Variants in TSACC observed in about 807,000 individuals in gnomAD.
TSACC encodes the protein TSSK6 activating cochaperone, also known as TSSK6-activating co-chaperone protein.
TSACC carries 3 observed loss-of-function variants against 6.9 expected under a neutral mutation model. The ratio of observed to expected loss-of-function variants is 0.43; its 90% CI spans 0.20 to 1.12. The LOEUF is 1.12. Among genes scored for constraint, TSACC ranks in the 50% most tolerant of loss-of-function variants. TSACC has a pLI of 0.28. For synonymous variants in TSACC, 54 were observed against 55.1 expected, an observed-to-expected ratio of 0.98 and a Z score of 0.09; for missense variants, 137 against 143.9, an observed-to-expected ratio of 0.95 and a Z score of 0.24.
chr1:156,345,031 C>T (rs558070718), intron 3 of TSACC, among the ~76,000 whole-genome samples: 4 of 152,250 alleles, frequency 2.6e-5, no homozygotes, highest in South Asian at 4.1e-4. Flanking sequence ...TTTTAAAAAA[C>T]GGTGGCTAGA....
Position 156,344,854 on chromosome 1 carries a change from A to C in TSACC, c.163+146A>C, listed in dbSNP as rs936564220. Reference sequence around the variant, plus strand: ...TTCCGTGATAGCTTGTTGATTATTTAGTTTCATTGATATCATTATCATCCC... The same window carrying C: ...TTCCGTGATAGCTTGTTGATTATTTCGTTTCATTGATATCATTATCATCCC... On this transcript the variant is annotated intron_variant, in intron 3 of 3. Coordinates refer to ENST00000368254, the MANE Select transcript of TSACC (RefSeq NM_001304817.2). 2.4e-5 allele frequency: 25 copies of C among 1,027,328 alleles called. No individual in the cohort carries two copies. The Admixed American group carries it at 6.5e-4, about 27-fold the overall frequency. The allele number at this position is 1,027,328 out of a possible 1,614,324, so 63.6% of individuals were successfully genotyped here. A position where few individuals can be genotyped will look rare whatever the true frequency, so the allele number is the denominator to read the frequency against.
chr1:156,341,027 G>A (rs901647007), intron 2 of TSACC, among the ~76,000 whole-genome samples: 9 of 151,906 alleles, frequency 5.9e-5, no homozygotes, highest in African/African-American at 1.7e-4. Flanking sequence ...ACTGGGTTAC[G>A]CCAGGTCTTG....
chr1:156,338,889 G>C (rs1665628000), intron 1 of TSACC: 1 of 152,708 alleles, frequency 6.5e-6, no homozygotes, highest in African/African-American at 2.4e-5. Flanking sequence ...CCCTTCTTAG[G>C]AAATGCTTTC....
intron 2 of TSACC, among the ~76,000 whole-genome samples, chr1:156,341,786 G>A (rs1205160422): frequency 4.6e-5 from 7 of 152,058 alleles, no homozygotes; most frequent in African/African-American, 1.2e-4. Flanking sequence ...ATTCTTGGCC[G>A]GGCGCAGTGG....
upstream of TSACC, chr1:156,338,227 G>T: frequency 1.3e-6 from 2 of 1,565,658 alleles, no homozygotes; most frequent in African/African-American, 1.3e-5. Flanking sequence ...TGGGGGAACC[G>T]GCAGAACCTT....
At chr1:156,340,518 G>GT (rs377131600) in intron 2 of TSACC, among the ~76,000 whole-genome samples, 22 of 142,318 alleles carry the variant, frequency 1.5e-4, no homozygotes, top group African/African-American at 5.5e-4. Context: ...CTGGAGTGCA[G>GT]TGGCACTACC....
In TSACC at chr1:156,344,648, C is replaced by G. The variant is rs538464868; in HGVS notation, c.103C>G (p.Leu35Val). ...AAAACCCTCCCCCAGCTATATTAAT[C>G]TTCAAGCAAGTTCCCCACCAGCCAC... ...RAKPSPSYIN[L>V]QASSPPATFL... The change falls in exon 3 of 4, where the codon CTT becomes GTT. Residue 35 changes from leucine (L) to valine (V), a missense_variant. By Grantham distance (32) the Leu-to-Val change is conservative. Transcript: ENST00000368254. 241 of 1,614,108 alleles carry G rather than the reference C, an allele frequency of 1.5e-4. 1 individual carries two copies. The South Asian group carries it at 2.6e-3, about 17-fold the overall frequency.
Position 156,339,791 on chromosome 1 carries a change from GGT to G in TSACC, c.34+7_34+8del. 2.5e-6 allele frequency: 4 copies of G among 1,614,014 alleles called. No individual in the cohort carries two copies. Among genetic ancestry groups the G allele is most frequent in the Non-Finnish European group, 3.4e-6 (4 of 1,179,976 alleles). ...GCACACTAGTCATCCTAACAGAAAA[GGT>G]GTGTGTTGGAGGCCCTGCTTCCCCT... On this transcript the variant is annotated splice_donor_variant, in intron 2 of 3. Coordinates refer to ENST00000368254, the MANE Select transcript of TSACC (RefSeq NM_001304817.2). LOFTEE classifies it high-confidence loss of function.
intron 2 of TSACC, among the ~76,000 whole-genome samples, chr1:156,343,764 G>T (rs1314631246): frequency 6.6e-6 from 1 of 152,008 alleles, no homozygotes; most frequent in East Asian, 1.9e-4. Context: ...TTTTGAGAAG[G>T]AATCTCACCC....
intron 3 of TSACC, among the ~76,000 whole-genome samples, chr1:156,345,466 G>C (rs1310962607): frequency 2.0e-5 from 3 of 152,092 alleles, no homozygotes; most frequent in Non-Finnish European, 4.4e-5. Context: ...AGGAGGCCGA[G>C]GCAGGAGAAT....
chr1:156,340,053 C>T (rs973354343), intron 2 of TSACC, among the ~76,000 whole-genome samples: 18 of 152,234 alleles, frequency 1.2e-4, no homozygotes, highest in African/African-American at 4.3e-4. Context: ...GGGACAGCCC[C>T]ATTGGTGGGC....
chr1:156,342,058 T>C (rs1665920565), intron 2 of TSACC, among the ~76,000 whole-genome samples: 1 of 130,836 alleles, frequency 7.6e-6, no homozygotes, highest in Admixed American at 8.5e-5. Context: ...CAAGACTCCG[T>C]CTCCAAAAAA....
At chr1:156,344,478 G>T in intron 2 of TSACC, 102 bp from the exon 3 acceptor site, 2 of 1,447,340 alleles carry the variant, frequency 1.4e-6, no homozygotes, top group Non-Finnish European at 1.9e-6. Flanking sequence ...ACATATTCAC[G>T]GCAGGGCCTG....
rs776501527 is a variant in TSACC at position 156,346,813 on chromosome 1, A to G, written c.209A>G (p.Tyr70Cys). The G allele has an allele frequency of 2.5e-6, 4 of 1,614,058 alleles. No individual in the cohort carries two copies. The highest frequency in any genetic ancestry group is 3.4e-6 in the Non-Finnish European group (4 of 1,180,042). ...TGCCTAGGACTCCTGGAATGTATGT[A>G]TGCAAACCTCCAGCTTCAGACCCAG... ...KECLGLLECM[Y>C]ANLQLQTQLA... Residue 70 changes from tyrosine (Y) to cysteine (C), a missense_variant, in exon 4 of 4, where the codon TAT (tyrosine) becomes TGT (cysteine). Coordinates refer to ENST00000368254, the MANE Select transcript of TSACC (RefSeq NM_001304817.2).
chr1:156,338,306 ACT>A, upstream of TSACC: 1 of 925,032 alleles, frequency 1.1e-6, no homozygotes, highest in Non-Finnish European at 1.7e-6. Context: ...TCAACCCGCT[ACT>A]CTCAAGGTAG....
At chr1:156,341,047 C>G (rs556713218) in intron 2 of TSACC, among the ~76,000 whole-genome samples, 18 of 152,172 alleles carry the variant, frequency 1.2e-4, no homozygotes, top group African/African-American at 4.1e-4. Context: ...GAACTCCTGG[C>G]CTCAAGTGAT....
In TSACC at chr1:156,346,919, C is replaced by G. The variant is rs989274440; in HGVS notation, c.315C>G (p.Asn105Lys). ...TGGCTCCTGGGAGGGGAAGCAATAA[C>G]TCTTCTCTCCCAGCCTTATCTCCTA... is the stretch of plus-strand genomic sequence containing the variant. ...TQLAPGRGSN[N>K]SSLPALSPNP... The change falls in exon 4 of 4, where the codon AAC becomes AAG. Residue 105 changes from asparagine to lysine, a missense_variant. Physicochemically the swap from Asn to Lys is moderately conservative, Grantham distance 94. Transcript: ENST00000368254. 6.2e-7 allele frequency: 1 copy of G among 1,614,200 alleles called. No individual in the cohort carries two copies. The highest frequency in any genetic ancestry group is 1.3e-5 in the African/African-American group (1 of 75,048).
At chr1:156,339,860 G>T in intron 2 of TSACC, 69 bp downstream of exon 2, 1 of 1,555,908 alleles carries the variant, frequency 6.4e-7, no homozygotes, top group Non-Finnish European at 8.8e-7. Flanking sequence ...CCACTAAATG[G>T]GAGCATTGCT....
chr1:156,346,317 G>A (rs1020761196), intron 3 of TSACC, among the ~76,000 whole-genome samples: 1 of 152,130 alleles, frequency 6.6e-6, no homozygotes, highest in African/African-American at 2.4e-5. Context: ...GGAGGCTGAG[G>A]TATCCCCTGA....
Sources: allele counts gnomAD v4.1 joint callset (sites outside exome capture counted in the v4.1 genomes callset), GRCh38; gene constraint gnomAD v4.1.1; transcripts MANE v1.5; gene names NCBI Gene and HGNC (gene_info 2026-07-23, HGNC 2026-07-21).